STAT1: variants seen among roughly 807,000 people sequenced by gnomAD.
The protein encoded by STAT1 is signal transducer and activator of transcription 1-alpha/beta.
A neutral mutation model predicts 111.7 loss-of-function variants in STAT1; 24 were observed. The ratio of observed to expected loss-of-function variants is 0.21; its 90% CI spans 0.16 to 0.30. The LOEUF is 0.30. Ranked by LOEUF, STAT1 falls within the 10% of genes least tolerant of loss-of-function variation. The probability of loss-of-function intolerance (pLI) is 1.00; values close to 1 mark genes in which losing one functional copy is unlikely to be tolerated. For missense variants in STAT1, 351 were observed against 911.9 expected (o/e 0.38, Z 7.92); for synonymous variants, 332 against 326.5 (o/e 1.02, Z -0.18).
At chr2:191,008,166 G>A (rs1316160681) in intron 4 of STAT1, 5 of 216,432 alleles carry the variant, frequency 2.3e-5, no homozygotes, top group Non-Finnish European at 3.9e-5. Context: ...TGCAAGGTCT[G>A]TATGAGAACA....
rs201533163 is a variant in STAT1 at position 190,995,234 on chromosome 2, G to A, written c.786-15C>T. 9 of 1,613,748 alleles carry A rather than the reference G, an allele frequency of 5.6e-6. No homozygotes were observed. In the African/African-American group the frequency reaches 1.1e-4, roughly 19 times the overall value. ...CTATAGTGAACCTGGGAAGACACAA[G>A]ACACAGATGTCTCTATGAGAAACAG... On this transcript the variant is annotated splice_polypyrimidine_tract_variant and intron_variant, in intron 9 of 24. Transcript: ENST00000361099. This position sits in a 1 kb window ranked among gnomAD's most constrained non-coding sequence, Gnocchi z 4.2.
At position 191,003,309 on chromosome 2, in the gene STAT1, T is replaced by A. The variant is rs1032493334; in HGVS notation, c.373-2146A>T. Reference sequence around the variant, plus strand: ...GACAAAAGGGGTTTCTCTGGGCGGTTGGAATAAGTTGTCACTTTGAGGAGT... The same window carrying A: ...GACAAAAGGGGTTTCTCTGGGCGGTAGGAATAAGTTGTCACTTTGAGGAGT... On this transcript the variant is annotated intron_variant, in intron 5 of 24. Transcript: ENST00000361099. This position sits in a 1 kb window ranked among gnomAD's most constrained non-coding sequence, Gnocchi z 4.0. Among the ~76,000 whole-genome samples the A allele has an allele frequency of 6.6e-6, 1 of 152,238 alleles. No individual in the cohort carries two copies. The highest frequency in any genetic ancestry group is 1.5e-5 in the Non-Finnish European group (1 of 68,040).
rs775326574 is a variant in STAT1 at position 190,977,056 on chromosome 2, T to C, written c.1874-31A>G. 1.2e-5 allele frequency: 19 copies of C among 1,606,728 alleles called. No individual in the cohort carries two copies. Among genetic ancestry groups the C allele is most frequent in the East Asian group, 4.5e-5 (2 of 44,854 alleles). ...AAGGAGAAAAGCTAAGTAAATCCCA[T>C]AGAACATCCCAAAATGAAAGAGGAC... On this transcript the variant is annotated intron_variant, in intron 21 of 24. Coordinates refer to ENST00000361099, the MANE Select transcript of STAT1 (RefSeq NM_007315.4). The surrounding 1 kb of genome is among the most constrained non-coding windows in gnomAD (Gnocchi z 4.7).
In STAT1 at chr2:191,009,083, T is replaced by C. The variant is rs1694925882; in HGVS notation, c.153A>G (p.Ser51=). 1 of 1,614,132 alleles carries C rather than the reference T, an allele frequency of 6.2e-7. No individual in the cohort carries two copies. ...QDWEHAANDV[S]FATIRFHDLL... ...GGTCATGAAAACGGATGGTGGCAAATGAAACATCATTGGCAGCGTGCTCCC... is the reference window on the plus strand; with the variant it reads ...GGTCATGAAAACGGATGGTGGCAAACGAAACATCATTGGCAGCGTGCTCCC... The change falls in exon 4 of 25, where the codon TCA becomes TCG. Residue 51 remains serine (S), a synonymous_variant. Coordinates refer to ENST00000361099, the MANE Select transcript of STAT1 (RefSeq NM_007315.4).
rs937802160 is a variant in STAT1 at position 190,987,299 on chromosome 2, T to C, written c.1098-231A>G. ...CAAATAAATGGTCTGGGCCTTACAT[T>C]GTTCATTTGCACAACATACTAACAG... On this transcript the variant is annotated intron_variant, in intron 12 of 24. Coordinates refer to ENST00000361099, the MANE Select transcript of STAT1 (RefSeq NM_007315.4). The surrounding 1 kb of genome is among the most constrained non-coding windows in gnomAD (Gnocchi z 4.0). 2.6e-5 allele frequency among the ~76,000 whole-genome samples: 4 copies of C among 152,214 alleles called. No individual in the cohort carries two copies. The highest frequency in any genetic ancestry group is 9.7e-5 in the African/African-American group (4 of 41,448).
intron 4 of STAT1, chr2:191,008,092 T>C: frequency 2.3e-6 from 1 of 431,170 alleles, no homozygotes; most frequent in Non-Finnish European, 4.6e-6. Flanking sequence ...TCTGTTGCCA[T>C]TGTCAAAGCT....
Position 191,000,970 on chromosome 2 carries a change from TA to T in STAT1, c.462+103del. On this transcript the variant is annotated intron_variant, in intron 6 of 24. Coordinates refer to ENST00000361099, the MANE Select transcript of STAT1 (RefSeq NM_007315.4). The surrounding 1 kb of genome is among the most constrained non-coding windows in gnomAD (Gnocchi z 4.8). The stretch of plus-strand genomic sequence containing the variant: ...TGCAAAATTTTTCTTCCCAACTACT[TA>T]AAAGACTGAACTCAGTTACGAGGTT... 1 of 1,001,948 alleles carries T rather than the reference TA, an allele frequency of 1.0e-6. No individual in the cohort carries two copies. The highest frequency in any genetic ancestry group is 1.6e-6 in the Non-Finnish European group (1 of 634,014). 62.1% of individuals were successfully genotyped at this position (1,001,948 alleles called of 1,614,324 possible). A position where few individuals can be genotyped will look rare whatever the true frequency, so the allele number is the denominator to read the frequency against.
Position 190,987,211 on chromosome 2 carries a change from C to A in STAT1, c.1098-143G>T. The A allele has an allele frequency of 1.4e-6, 1 of 704,654 alleles. No individual in the cohort carries two copies. Among genetic ancestry groups the A allele is most frequent in the East Asian group, 2.7e-5 (1 of 37,164 alleles). 43.7% of individuals were successfully genotyped at this position (704,654 alleles called of 1,614,324 possible). On this transcript the variant is annotated intron_variant, in intron 12 of 24. Transcript: ENST00000361099. This position sits in a 1 kb window ranked among gnomAD's most constrained non-coding sequence, Gnocchi z 4.0. ...CTACACCTATGGATTTGCAGCCTTT[C>A]ATTCACTCCCTGCTTCCATCTACCC... is the stretch of plus-strand genomic sequence containing the variant.
intron 2 of STAT1, chr2:191,010,336 T>C: frequency 2.1e-6 from 1 of 474,834 alleles, no homozygotes; most frequent in Non-Finnish European, 4.4e-6. Flanking sequence ...TTTATTTTTC[T>C]TCATAGTACT....
Position 190,980,591 on chromosome 2 carries a change from A to T in STAT1, c.1632+29T>A, listed in dbSNP as rs1692301435. 6.2e-7 allele frequency: 1 copy of T among 1,611,930 alleles called. No homozygotes were observed. Among genetic ancestry groups the T allele is most frequent in the African/African-American group, 1.3e-5 (1 of 74,898 alleles). ...CCTCAACCAAGAGCAAAAAGGACTT[A>T]GAGAGCATAAAACCCAGACAGTCCT... On this transcript the variant is annotated intron_variant, in intron 19 of 24. Coordinates refer to ENST00000361099, the MANE Select transcript of STAT1 (RefSeq NM_007315.4). The surrounding 1 kb of genome is among the most constrained non-coding windows in gnomAD (Gnocchi z 6.1).
chr2:191,011,689 G>A (rs45500493), intron 2 of STAT1, among the ~76,000 whole-genome samples: 3,442 of 152,190 alleles, frequency 0.023, 126 homozygotes, highest in African/African-American at 0.078. Context: ...TGCTGTTCTC[G>A]TGATAATGAG....
Position 190,998,296 on chromosome 2 carries a change from T to C in STAT1, c.554A>G (p.Asn185Ser), listed in dbSNP as rs1051397529. Residue 185 changes from asparagine to serine, a missense_variant, in exon 8 of 25, where the codon AAT (asparagine) becomes AGT (serine). Around this residue, in one of 7 missense-constraint regions of STAT1, gnomAD observed 67 missense variants for 158.9 expected, o/e 0.42. Coordinates refer to ENST00000361099, the MANE Select transcript of STAT1 (RefSeq NM_007315.4). This position sits in a 1 kb window ranked among gnomAD's most constrained non-coding sequence, Gnocchi z 4.1. ...TTTCTGATCACTCTTTGCCACACCA[T>C]TGGTCTCGTGTTCTATAAATTGAGA... Reference protein sequence around the residue: ...KTLQNREHETNGVAKSDQKQE... With the variant: ...KTLQNREHETSGVAKSDQKQE... The C allele has an allele frequency of 3.1e-6, 5 of 1,613,340 alleles. No individual in the cohort carries two copies. Among genetic ancestry groups the C allele is most frequent in the Non-Finnish European group, 4.2e-6 (5 of 1,179,750 alleles).
intron 10 of STAT1, among the ~76,000 whole-genome samples, chr2:190,994,419 G>A (rs796399464): frequency 1.4e-4 from 21 of 152,234 alleles, no homozygotes; most frequent in African/African-American, 5.1e-4. Flanking sequence ...AGGACTGGTG[G>A]GGAGGCTGGG....
Position 190,981,509 on chromosome 2 carries a change from C to A in STAT1, c.1583-840G>T, listed in dbSNP as rs146687249. On this transcript the variant is annotated intron_variant, in intron 18 of 24. Transcript: ENST00000361099. The surrounding 1 kb of genome is among the most constrained non-coding windows in gnomAD (Gnocchi z 4.1). ...AAAGAGAACTACAAATGAGCCATTA[C>A]AGCTAGAAAAGATATCCTTCTTAAC... is the stretch of plus-strand genomic sequence containing the variant. Among the ~76,000 whole-genome samples, 1 of 152,316 alleles carries A rather than the reference C, an allele frequency of 6.6e-6. No homozygotes were observed. Among genetic ancestry groups the A allele is most frequent in the African/African-American group, 2.4e-5 (1 of 41,566 alleles).
rs899789030 is a variant in STAT1 at position 190,974,228 on chromosome 2, G to C, written c.2238+602C>G. Among the ~76,000 whole-genome samples, 5 of 152,102 alleles carry C rather than the reference G, an allele frequency of 3.3e-5. No individual in the cohort carries two copies. Among genetic ancestry groups the C allele is most frequent in the African/African-American group, 9.7e-5 (4 of 41,430 alleles). On this transcript the variant is annotated intron_variant, in intron 24 of 24. Coordinates refer to ENST00000361099, the MANE Select transcript of STAT1 (RefSeq NM_007315.4). The surrounding 1 kb of genome is among the most constrained non-coding windows in gnomAD (Gnocchi z 4.8). Reference sequence around the variant, plus strand: ...CTAAAAAAGCACCCTCCAAAAGGAAGATGTTCCCTTTTGTGGACAATCATA... The same window carrying C: ...CTAAAAAAGCACCCTCCAAAAGGAACATGTTCCCTTTTGTGGACAATCATA...
chr2:190,988,290 C>T (rs1448829910), intron 12 of STAT1, among the ~76,000 whole-genome samples: 1 of 152,256 alleles, frequency 6.6e-6, no homozygotes. Context: ...GCTAGAGCAC[C>T]TGGCTCCAAC....
Position 190,984,385 on chromosome 2 carries a change from G to C in STAT1, c.1272C>G (p.Leu424=). The C allele has an allele frequency of 6.2e-7, 1 of 1,613,538 alleles. No individual in the cohort carries two copies. Among genetic ancestry groups the C allele is most frequent in the East Asian group, 2.2e-5 (1 of 44,876 alleles). Reference sequence around the variant, plus strand: ...GGGAGTGAAGCTCTTCAGTAACGATGAGAGGACCCTTGGAAGAGAAAAGGA... The same window carrying C: ...GGGAGTGAAGCTCTTCAGTAACGATCAGAGGACCCTTGGAAGAGAAAAGGA... ...NAGTRTNEGP[L]IVTEELHSLS... is the part of the protein sequence containing the mutation. The change falls in exon 16 of 25, where the codon CTC becomes CTG. Residue 424 remains leucine, a synonymous_variant. Coordinates refer to ENST00000361099, the MANE Select transcript of STAT1 (RefSeq NM_007315.4). The surrounding 1 kb of genome is among the most constrained non-coding windows in gnomAD (Gnocchi z 5.2).
chr2:191,001,278 G>A (rs1213793105), intron 5 of STAT1, 115 bp from the exon 6 acceptor site: 1 of 805,920 alleles, frequency 1.2e-6, no homozygotes, highest in African/African-American at 1.7e-5. Context: ...ATGTACTACA[G>A]GCTTCCTGCT....
Position 191,004,216 on chromosome 2 carries a change from T to C in STAT1, c.373-3053A>G, listed in dbSNP as rs41379347. Among the ~76,000 whole-genome samples the C allele has an allele frequency of 0.022, 3,366 of 152,266 alleles. 201 individuals are homozygous for C. Among genetic ancestry groups the C allele is most frequent in the Admixed American group, 0.13 (1,972 of 15,282 alleles). ...TGTACACTTTAGTACTGATACCACT[T>C]TCACAGTGAGTCCTTAACTTTTTAA... On this transcript the variant is annotated intron_variant, in intron 5 of 24. Coordinates refer to ENST00000361099, the MANE Select transcript of STAT1 (RefSeq NM_007315.4). This position sits in a 1 kb window ranked among gnomAD's most constrained non-coding sequence, Gnocchi z 5.0.
Sources: allele counts gnomAD v4.1 joint callset (sites outside exome capture counted in the v4.1 genomes callset), GRCh38; gene constraint gnomAD v4.1.1; regional missense constraint gnomAD v4.1.1; non-coding constraint Gnocchi (gnomAD v3.1); transcripts MANE v1.5; gene names NCBI Gene and HGNC (gene_info 2026-07-23, HGNC 2026-07-21).